The following NAALADL2 variants were observed in gnomAD, a reference collection of about 807,000 sequenced individuals.
The protein encoded by NAALADL2 is inactive N-acetylated-alpha-linked acidic dipeptidase-like protein 2.
NAALADL2 carries 76 observed loss-of-function variants against 87.2 expected under a neutral mutation model. The observed-to-expected ratio is 0.87, with a 90% CI of 0.72 to 1.05. The LOEUF (loss-of-function observed/expected upper bound fraction) is 1.05. Among genes scored for constraint, NAALADL2 ranks in the 50% least tolerant of loss-of-function variants. The probability of loss-of-function intolerance (pLI) is 0.00; values close to 1 mark genes in which losing one functional copy is unlikely to be tolerated. For synonymous variants in NAALADL2, 354 were observed against 331.0 expected (o/e 1.07, Z -0.75); for missense variants, 1,089 against 945.8 (o/e 1.15, Z -1.99).
chr3:174,639,387 C>A (rs954325251), intron 2 of NAALADL2, among the ~76,000 whole-genome samples: 1 of 152,148 alleles, frequency 6.6e-6, no homozygotes, highest in Non-Finnish European at 1.5e-5. Context: ...AGCTGTTTGG[C>A]ACCAGGTGGC....
At chr3:174,638,911 T>G (rs1447551966) in intron 2 of NAALADL2, among the ~76,000 whole-genome samples, 3 of 152,230 alleles carry the variant, frequency 2.0e-5, no homozygotes, top group Non-Finnish European at 4.4e-5. Context: ...TTTTTGAGGT[T>G]GGTATAATTA....
chr3:175,339,853 G>A (rs1175644487), intron 5 of NAALADL2, among the ~76,000 whole-genome samples: 2 of 152,104 alleles, frequency 1.3e-5, no homozygotes, highest in East Asian at 3.9e-4. Flanking sequence ...TTTCTCTTGT[G>A]TAAAAAGGCT....
chr3:174,826,836 C>T (rs749350052), intron 3 of NAALADL2, among the ~76,000 whole-genome samples: 1 of 152,184 alleles, frequency 6.6e-6, no homozygotes, highest in East Asian at 1.9e-4. Flanking sequence ...TTCAGATACC[C>T]CTGCCTGAGG....
At chr3:175,640,948 A>G (rs1191076480) in intron 11 of NAALADL2, among the ~76,000 whole-genome samples, 1 of 152,296 alleles carries the variant, frequency 6.6e-6, no homozygotes, top group East Asian at 1.9e-4. Context: ...TAAATTGTCT[A>G]TTTCACTAGG....
intron 2 of NAALADL2, among the ~76,000 whole-genome samples, chr3:175,142,145 G>A (rs1730092443): frequency 6.6e-6 from 1 of 151,964 alleles, no homozygotes; most frequent in African/African-American, 2.4e-5. Context: ...TGTAGCTGTG[G>A]CAATGTATTT....
intron 2 of NAALADL2, among the ~76,000 whole-genome samples, chr3:174,583,211 T>C (rs1716359544): frequency 6.6e-6 from 1 of 152,244 alleles, no homozygotes; most frequent in African/African-American, 2.4e-5. Flanking sequence ...TATTTCATTC[T>C]GAATCATATA....
At chr3:174,905,950 A>G (rs1732901560) in intron 1 of NAALADL2, among the ~76,000 whole-genome samples, 1 of 152,122 alleles carries the variant, frequency 6.6e-6, no homozygotes, top group African/African-American at 2.4e-5. Flanking sequence ...AGGTAATGTT[A>G]AGCATGCTAA....
chr3:175,213,755 C>G (rs766454307), intron 2 of NAALADL2, among the ~76,000 whole-genome samples: 1 of 152,112 alleles, frequency 6.6e-6, no homozygotes, highest in Non-Finnish European at 1.5e-5. Context: ...TCCAGTGAAG[C>G]AACTGAGTCT....
intron 11 of NAALADL2, among the ~76,000 whole-genome samples, chr3:175,686,652 T>G (rs1736339702): frequency 6.6e-6 from 1 of 152,198 alleles, no homozygotes; most frequent in Non-Finnish European, 1.5e-5. Flanking sequence ...TAACAAATAA[T>G]GCAATTACAT....
At chr3:174,935,765 AAGTT>A (rs1473481872) in intron 1 of NAALADL2, among the ~76,000 whole-genome samples, 2 of 152,108 alleles carry the variant, frequency 1.3e-5, no homozygotes, top group East Asian at 1.9e-4. Context: ...ATTGCAATAA[AAGTT>A]AGGAGATGAC....
At chr3:174,910,445 A>T (rs904754393) in intron 1 of NAALADL2, among the ~76,000 whole-genome samples, 5 of 152,150 alleles carry the variant, frequency 3.3e-5, no homozygotes, top group Non-Finnish European at 7.3e-5. Context: ...GCTAAGGAAA[A>T]GAGAATAGTA....
intron 2 of NAALADL2, among the ~76,000 whole-genome samples, chr3:174,689,659 G>C (rs1728383586): frequency 6.6e-6 from 1 of 151,966 alleles, no homozygotes; most frequent in Admixed American, 6.6e-5. Flanking sequence ...CTTGAGTGTT[G>C]GGAAATGGTG....
chr3:174,931,861 A>G (rs1560380669), intron 1 of NAALADL2, among the ~76,000 whole-genome samples: 2 of 152,208 alleles, frequency 1.3e-5, no homozygotes, highest in Admixed American at 6.5e-5. Flanking sequence ...CTGAGATCAG[A>G]TAACTTCTAT....
chr3:175,806,268 A>C lies in NAALADL2; in HGVS notation c.*3065A>C, dbSNP rs1226686141. 1 of 151,910 alleles carries C rather than the reference A, an allele frequency of 6.6e-6. No homozygotes were observed. Among genetic ancestry groups the C allele is most frequent in the Non-Finnish European group, 1.5e-5 (1 of 67,886 alleles). The allele number at this position is 151,910 out of a possible 1,614,324, so 9.4% of individuals were successfully genotyped here. A position where few individuals can be genotyped will look rare whatever the true frequency, so the allele number is the denominator to read the frequency against. Reference sequence around the variant, plus strand: ...GGGTACTTGAGAGAAAGTGGGGAGAATCCTTACAGAACACCAGAAGTCAGG... The same window carrying C: ...GGGTACTTGAGAGAAAGTGGGGAGACTCCTTACAGAACACCAGAAGTCAGG... On this transcript the variant is annotated 3_prime_UTR_variant, in exon 14 of 14. Transcript: ENST00000454872.
intron 5 of NAALADL2, among the ~76,000 whole-genome samples, chr3:175,371,085 A>G (rs1181819958): frequency 3.3e-5 from 5 of 152,206 alleles, no homozygotes; most frequent in Admixed American, 1.3e-4. Flanking sequence ...TCCCAAAAGG[A>G]TGATTTGTCT....
chr3:175,157,283 G>A (rs563662036), intron 2 of NAALADL2, among the ~76,000 whole-genome samples: 2 of 152,184 alleles, frequency 1.3e-5, no homozygotes, highest in Admixed American at 1.3e-4. Flanking sequence ...GCAGCATTTT[G>A]TAGTTGTAAA....
chr3:174,903,957 C>T (rs1453481759), intron 1 of NAALADL2, among the ~76,000 whole-genome samples: 1 of 109,380 alleles, frequency 9.1e-6, no homozygotes, highest in East Asian at 2.0e-4. Flanking sequence ...AAAGGAATAT[C>T]TATATCTATA....
intron 5 of NAALADL2, among the ~76,000 whole-genome samples, chr3:175,395,501 A>G (rs1379113125): frequency 1.3e-5 from 2 of 152,086 alleles, no homozygotes; most frequent in Non-Finnish European, 2.9e-5. Flanking sequence ...AAATAGACTA[A>G]TGGATTGGCA....
intron 2 of NAALADL2, among the ~76,000 whole-genome samples, chr3:174,589,972 G>C (rs1717180483): frequency 1.3e-5 from 2 of 151,112 alleles, no homozygotes; most frequent in African/African-American, 4.9e-5. Flanking sequence ...TAATTATCAA[G>C]GGCCAAAACT....
Sources: allele counts gnomAD v4.1 joint callset (sites outside exome capture counted in the v4.1 genomes callset), GRCh38; gene constraint gnomAD v4.1.1; transcripts MANE v1.5; gene names NCBI Gene and HGNC (gene_info 2026-07-23, HGNC 2026-07-21).